The following POLDIP3 variants were observed in gnomAD, a reference collection of about 807,000 sequenced individuals.
The protein encoded by POLDIP3 is polymerase delta-interacting protein 3.
POLDIP3 carries 14 observed loss-of-function variants against 45.1 expected under a neutral mutation model. That is an observed-to-expected ratio of 0.31 (90% CI 0.20 to 0.49). POLDIP3 has a LOEUF of 0.49. Among genes scored for constraint, POLDIP3 ranks in the 20% least tolerant of loss-of-function variants. The probability of loss-of-function intolerance (pLI) is 0.99; values close to 1 mark genes in which losing one functional copy is unlikely to be tolerated. For synonymous variants in POLDIP3, 223 were observed against 205.2 expected, an observed-to-expected ratio of 1.09 and a Z score of -0.74; for missense variants, 511 against 538.8, an observed-to-expected ratio of 0.95 and a Z score of 0.51.
At chr22:42,594,016 C>T (rs1444541526) in intron 6 of POLDIP3, among the ~76,000 whole-genome samples, 2 of 152,044 alleles carry the variant, frequency 1.3e-5, no homozygotes, top group Non-Finnish European at 2.9e-5. Context: ...AATACCAGCA[C>T]TTTGGGAGGC....
intron 3 of POLDIP3, 90 bp downstream of exon 3, chr22:42,601,880 C>A: frequency 6.9e-7 from 1 of 1,444,680 alleles, no homozygotes; most frequent in African/African-American, 1.4e-5. Flanking sequence ...AGTCCATCCA[C>A]CCAAGTAGGC....
intron 1 of POLDIP3, among the ~76,000 whole-genome samples, chr22:42,611,374 G>C (rs916309377): frequency 6.6e-6 from 1 of 152,184 alleles, no homozygotes; most frequent in African/African-American, 2.4e-5. Flanking sequence ...CAGAATGGCT[G>C]CTTTTGAGAA....
At chr22:42,597,721 C>T in intron 4 of POLDIP3, 1 of 470,688 alleles carries the variant, frequency 2.1e-6, no homozygotes, top group South Asian at 1.5e-5. Flanking sequence ...AGTCTAATTA[C>T]TGGAAAGGCC....
At chr22:42,592,196 C>T (rs899478117) in intron 6 of POLDIP3, 112 bp from the exon 7 acceptor site, 12 of 1,493,100 alleles carry the variant, frequency 8.0e-6, no homozygotes, top group South Asian at 2.5e-5. Flanking sequence ...ATGCGCCCTG[C>T]GCCTGAGACT....
intron 3 of POLDIP3, among the ~76,000 whole-genome samples, chr22:42,601,192 T>C (rs1311589144): frequency 6.6e-6 from 1 of 151,892 alleles, no homozygotes; most frequent in Non-Finnish European, 1.5e-5. Flanking sequence ...GCAAGTTTTC[T>C]ATATTAAGCA....
intron 1 of POLDIP3, among the ~76,000 whole-genome samples, chr22:42,609,399 C>T (rs1395620590): frequency 2.0e-5 from 3 of 152,206 alleles, no homozygotes; most frequent in Non-Finnish European, 2.9e-5. Context: ...GGTGAGAAGG[C>T]AAACGTTCCC....
chr22:42,599,899 C>G, intron 3 of POLDIP3, 106 bp from the exon 4 acceptor site: 3 of 814,802 alleles, frequency 3.7e-6, no homozygotes, highest in Non-Finnish European at 5.9e-6. Context: ...AACAAAGGGA[C>G]CAAGGAGAAG....
intron 1 of POLDIP3, among the ~76,000 whole-genome samples, chr22:42,611,495 C>G (rs889158731): frequency 3.9e-5 from 6 of 152,040 alleles, no homozygotes; most frequent in Non-Finnish European, 8.8e-5. Flanking sequence ...GCTATTTCTA[C>G]TAAGAGGAAA....
At chr22:42,589,275 T>C (rs549314910) in intron 7 of POLDIP3, among the ~76,000 whole-genome samples, 6 of 149,678 alleles carry the variant, frequency 4.0e-5, no homozygotes, top group African/African-American at 9.8e-5. Context: ...CAAAGATATA[T>C]CACTCAAATA....
At chr22:42,598,441 C>T (rs562887381) in intron 4 of POLDIP3, among the ~76,000 whole-genome samples, 28 of 151,910 alleles carry the variant, frequency 1.8e-4, no homozygotes, top group African/African-American at 5.8e-4. Context: ...TTAGTAGAGA[C>T]GGGGTTTCAC....
At chr22:42,602,232 A>T (rs557415216) in intron 2 of POLDIP3, 176 bp from the exon 3 acceptor site, 1 of 1,033,494 alleles carries the variant, frequency 9.7e-7, no homozygotes, top group African/African-American at 1.6e-5. Context: ...CAATCCAGAG[A>T]CCATGCCGGT....
At chr22:42,594,076 A>G (rs1925834468) in intron 6 of POLDIP3, among the ~76,000 whole-genome samples, 1 of 152,154 alleles carries the variant, frequency 6.6e-6, no homozygotes, top group Non-Finnish European at 1.5e-5. Context: ...CACGGCCAAC[A>G]TGGTGAAACC....
intron 7 of POLDIP3, among the ~76,000 whole-genome samples, chr22:42,591,005 C>T (rs1369428013): frequency 1.3e-5 from 2 of 151,144 alleles, no homozygotes; most frequent in African/African-American, 2.4e-5. Flanking sequence ...ACCGGGGAGG[C>T]GGAGGTTGCA....
At position 42,614,820 on chromosome 22, in the gene POLDIP3, C is replaced by A; in HGVS notation, c.38G>T (p.Arg13Leu). The A allele has an allele frequency of 1.9e-6, 3 of 1,614,100 alleles. No homozygotes were observed. Among genetic ancestry groups the A allele is most frequent in the Non-Finnish European group, 2.5e-6 (3 of 1,179,962 alleles). The change falls in exon 1 of 9, where the codon CGC becomes CTC. Residue 13 changes from arginine (R) to leucine (L), a missense_variant. Arg to Leu is a moderately radical substitution (Grantham distance 102). Around this residue, in one of 4 missense-constraint regions of POLDIP3, gnomAD observed 378 missense variants for 352.3 expected, o/e 1.07. Transcript: ENST00000252115. ...TCACCGTCCTTTCGCCGCCGCCCCG[C>A]GCTTCCTGATGAGTTCGTCCAGGGA... The part of the protein sequence containing the change: ...DISLDELIRK[R>L]GAAAKGRLNA...
chr22:42,590,703 A>G (rs1039036108), intron 7 of POLDIP3, among the ~76,000 whole-genome samples: 15 of 152,248 alleles, frequency 9.9e-5, no homozygotes, highest in Non-Finnish European at 1.5e-5. Flanking sequence ...CTTATCTGAT[A>G]AGGGACTTAA....
At position 42,584,623 on chromosome 22, in the gene POLDIP3, T is replaced by G; in HGVS notation, c.*1168A>C. 1 of 326,486 alleles carries G rather than the reference T, an allele frequency of 3.1e-6. No individual in the cohort carries two copies. Among genetic ancestry groups the G allele is most frequent in the East Asian group, 9.3e-5 (1 of 10,778 alleles). The allele number at this position is 326,486 out of a possible 1,614,324, so 20.2% of individuals were successfully genotyped here. A position where few individuals can be genotyped will look rare whatever the true frequency, so the allele number is the denominator to read the frequency against. ...GGTCATTCAGGGACTGCCTGGGCTCTGAAGTTTCGTCCCAACTGTCTGCGC... is the reference window on the plus strand; with the variant it reads ...GGTCATTCAGGGACTGCCTGGGCTCGGAAGTTTCGTCCCAACTGTCTGCGC... On this transcript the variant is annotated 3_prime_UTR_variant, in exon 9 of 9. Transcript: ENST00000252115.
At chr22:42,587,752 C>T (rs541297984) in intron 7 of POLDIP3, among the ~76,000 whole-genome samples, 180 bp from the exon 8 acceptor site, 24 of 152,232 alleles carry the variant, frequency 1.6e-4, no homozygotes, top group Non-Finnish European at 3.2e-4. Flanking sequence ...AATCCCAGGG[C>T]GTGAGGAAAC....
intron 1 of POLDIP3, among the ~76,000 whole-genome samples, chr22:42,613,824 C>T (rs1226402723): frequency 6.6e-6 from 1 of 152,144 alleles, no homozygotes; most frequent in Non-Finnish European, 1.5e-5. Flanking sequence ...AAAACAATAT[C>T]TAACATATTT....
intron 8 of POLDIP3, among the ~76,000 whole-genome samples, chr22:42,586,447 C>T (rs1169470516): frequency 2.0e-5 from 3 of 152,020 alleles, no homozygotes; most frequent in Non-Finnish European, 2.9e-5. Flanking sequence ...CCCACCTCGG[C>T]CCCCCAAGTA....
Sources: allele counts gnomAD v4.1 joint callset (sites outside exome capture counted in the v4.1 genomes callset), GRCh38; gene constraint gnomAD v4.1.1; regional missense constraint gnomAD v4.1.1; transcripts MANE v1.5; gene names NCBI Gene and HGNC (gene_info 2026-07-23, HGNC 2026-07-21).